The following DCBLD1 variants were observed in gnomAD, a reference collection of about 807,000 sequenced individuals.
The protein encoded by DCBLD1 is discoidin, CUB and LCCL domain-containing protein 1.
Under a neutral mutation model 71.5 loss-of-function variants are expected in DCBLD1, and 57 were observed. That is an observed-to-expected ratio of 0.80 (90% CI 0.64 to 0.99). The LOEUF (loss-of-function observed/expected upper bound fraction) is 0.99, where lower values mean the gene tolerates loss of function less well. DCBLD1 is among the 50% of genes least tolerant of loss of function. The probability of loss-of-function intolerance (pLI) is 0.00; values close to 1 mark genes in which losing one functional copy is unlikely to be tolerated. For missense variants in DCBLD1, 891 were observed against 923.5 expected (o/e 0.96, Z 0.46); for synonymous variants, 380 against 363.8 (o/e 1.04, Z -0.51).
At chr6:117,492,437 C>G (rs894432768) in intron 1 of DCBLD1, among the ~76,000 whole-genome samples, 1 of 151,842 alleles carries the variant, frequency 6.6e-6, no homozygotes, top group African/African-American at 2.4e-5. Context: ...GTTTCCTGCC[C>G]TTTGTCTCCA....
At chr6:117,508,823 C>T (rs1050216746) in intron 2 of DCBLD1, among the ~76,000 whole-genome samples, 1 of 152,164 alleles carries the variant, frequency 6.6e-6, no homozygotes, top group African/African-American at 2.4e-5. Flanking sequence ...TGGTAGGAAC[C>T]AGACGCTGGC....
At chr6:117,508,836 G>A (rs1777920705) in intron 2 of DCBLD1, among the ~76,000 whole-genome samples, 1 of 152,200 alleles carries the variant, frequency 6.6e-6, no homozygotes, top group Non-Finnish European at 1.5e-5. Flanking sequence ...ACGCTGGCCA[G>A]TCTTCATAGG....
At chr6:117,487,927 T>C (rs1419084031) in intron 1 of DCBLD1, among the ~76,000 whole-genome samples, 1 of 152,192 alleles carries the variant, frequency 6.6e-6, no homozygotes, top group East Asian at 1.9e-4. Context: ...TTTGCCTTAC[T>C]GGGTGAGGGA....
chr6:117,547,765 G>T, intron 14 of DCBLD1, 142 bp from the exon 15 acceptor site: 1 of 1,533,432 alleles, frequency 6.5e-7, no homozygotes, highest in Admixed American at 2.0e-5. Context: ...TCACATCAGG[G>T]TTTTCCGCAG....
At chr6:117,527,711 T>G (rs1210536574) in intron 5 of DCBLD1, among the ~76,000 whole-genome samples, 1 of 152,106 alleles carries the variant, frequency 6.6e-6, no homozygotes, top group Non-Finnish European at 1.5e-5. Flanking sequence ...GGTGTAGATG[T>G]TAAAACCATT....
Position 117,548,136 on chromosome 6 carries a change from C to G in DCBLD1, c.1845C>G (p.Phe615Leu). 1.3e-6 allele frequency: 2 copies of G among 1,550,082 alleles called. No homozygotes were observed. The highest frequency in any genetic ancestry group is 1.7e-6 in the Non-Finnish European group (2 of 1,146,760). Residue 615 changes from phenylalanine (F) to leucine (L), a missense_variant, in exon 15 of 15, where the codon TTC (phenylalanine) becomes TTG (leucine). Transcript: ENST00000338728. ...VERHVLRAHT[F>L]SAQSGYRVPG... ...GGCACGTGCTGCGCGCCCACACGTT[C>G]TCTGCGCAGAGCGGCTACCGCGTCC...
At chr6:117,552,629 A>T (rs1272018608), downstream of DCBLD1, among the ~76,000 whole-genome samples, 1 of 152,124 alleles carries the variant, frequency 6.6e-6, no homozygotes, top group Non-Finnish European at 1.5e-5. Flanking sequence ...ACCTAATTCT[A>T]GGTCTTCTTC....
At chr6:117,497,491 A>G (rs561070044) in intron 1 of DCBLD1, among the ~76,000 whole-genome samples, 1 of 152,336 alleles carries the variant, frequency 6.6e-6, no homozygotes, top group East Asian at 1.9e-4. Context: ...ATTTGTTCTA[A>G]GCTTATTTAG....
At chr6:117,540,374 TCTATAGCACCAGTTGA>T (rs1779049584) in intron 9 of DCBLD1, 1 of 288,502 alleles carries the variant, frequency 3.5e-6, no homozygotes, top group South Asian at 5.0e-5. Context: ...AGGTTGCTTG[TCTATAGCACCAGTTGA>T]ATGTAGGAAT....
intron 3 of DCBLD1, among the ~76,000 whole-genome samples, chr6:117,520,530 G>A (rs1421357528): frequency 4.6e-5 from 7 of 152,138 alleles, no homozygotes; most frequent in Non-Finnish European, 8.8e-5. Context: ...GAGCCCCTCC[G>A]CAACACACGC....
chr6:117,537,051 T>G (rs568264804), intron 6 of DCBLD1, 134 bp from the exon 7 acceptor site: 1 of 793,486 alleles, frequency 1.3e-6, no homozygotes, highest in South Asian at 1.6e-5. Flanking sequence ...TAGCAGTAGG[T>G]TTGCAGGGGT....
At chr6:117,540,494 G>A (rs1381503368) in intron 9 of DCBLD1, 174 bp from the exon 10 acceptor site, 2 of 667,376 alleles carry the variant, frequency 3.0e-6, no homozygotes, top group East Asian at 5.6e-5. Context: ...ACCTTAGTTA[G>A]ATAAATTGGC....
intron 14 of DCBLD1, among the ~76,000 whole-genome samples, chr6:117,565,922 T>C (rs1201529022): frequency 6.6e-6 from 1 of 152,188 alleles, no homozygotes; most frequent in Non-Finnish European, 1.5e-5. Flanking sequence ...TTGTTCAGTG[T>C]GCAGAGTAAG....
chr6:117,547,466 G>A (rs917738299), intron 14 of DCBLD1: 1 of 454,742 alleles, frequency 2.2e-6, no homozygotes, highest in African/African-American at 2.0e-5. Flanking sequence ...TCACCACTAG[G>A]CCCTGACCTG....
chr6:117,507,511 C>T (rs1777881814), intron 2 of DCBLD1, among the ~76,000 whole-genome samples: 1 of 152,160 alleles, frequency 6.6e-6, no homozygotes, highest in African/African-American at 2.4e-5. Context: ...TTAATATTAT[C>T]CTGGCCAAAA....
At chr6:117,546,271 A>G (rs1217924413) in intron 14 of DCBLD1, among the ~76,000 whole-genome samples, 3 of 152,204 alleles carry the variant, frequency 2.0e-5, no homozygotes, top group Non-Finnish European at 4.4e-5. Context: ...ACCTGTCTCT[A>G]TGGCACTGCT....
chr6:117,552,780 C>T (rs867904565), downstream of DCBLD1, among the ~76,000 whole-genome samples: 10 of 152,162 alleles, frequency 6.6e-5, no homozygotes, highest in African/African-American at 2.4e-4. Flanking sequence ...GCAAGAACCC[C>T]AGCACTGTAA....
intron 4 of DCBLD1, among the ~76,000 whole-genome samples, chr6:117,522,488 C>G (rs938122715): frequency 4.6e-5 from 7 of 151,822 alleles, no homozygotes; most frequent in Non-Finnish European, 1.0e-4. Flanking sequence ...TTTGCCCAGG[C>G]TGGAGTGCAG....
chr6:117,548,400 C>G lies in DCBLD1; in HGVS notation c.2109C>G (p.Leu703=), dbSNP rs773027164. Residue 703 remains leucine (L), a synonymous_variant, in exon 15 of 15, where the codon CTC becomes CTG. Transcript: ENST00000338728. ...SDSYSAPRDC[L]TPLNQTAMTA... Reference sequence around the variant, plus strand: ...GCTATTCTGCCCCCAGAGACTGCCTCACACCCCTCAACCAGACGGCCATGA... The same window carrying G: ...GCTATTCTGCCCCCAGAGACTGCCTGACACCCCTCAACCAGACGGCCATGA... 4 of 1,550,714 alleles carry G rather than the reference C, an allele frequency of 2.6e-6. No individual in the cohort carries two copies. Among genetic ancestry groups the G allele is most frequent in the Non-Finnish European group, 3.5e-6 (4 of 1,147,008 alleles).
Sources: gnomAD v4.1 joint callset for allele counts (sites outside exome capture counted in the v4.1 genomes callset) on GRCh38, gnomAD v4.1.1 for gene constraint, MANE v1.5 for transcripts, NCBI Gene and HGNC (gene_info 2026-07-23, HGNC 2026-07-21) for gene names.